AFF4: variants seen among roughly 807,000 people sequenced by gnomAD.
The protein encoded by AFF4 is AF4/FMR2 family member 4.
In AFF4, 13 loss-of-function variants were observed where a neutral mutation model predicts 124.8. That is an observed-to-expected ratio of 0.10 (90% confidence interval 0.07 to 0.17). AFF4 has a LOEUF of 0.17. AFF4 is among the 10% of genes least tolerant of loss of function. The probability of loss-of-function intolerance (pLI) is 1.00; values close to 1 mark genes in which losing one functional copy is unlikely to be tolerated. For synonymous variants in AFF4, 477 were observed against 496.1 expected, an observed-to-expected ratio of 0.96 and a Z score of 0.51; for missense variants, 1,092 against 1,403.8, an observed-to-expected ratio of 0.78 and a Z score of 3.55.
chr5:132,938,921 C>T (rs775645362), intron 1 of AFF4, among the ~76,000 whole-genome samples: 1 of 101,808 alleles, frequency 9.8e-6, no homozygotes, highest in Non-Finnish European at 1.7e-5. Context: ...CCAGCCTGGG[C>T]GACAGAGAGA....
At chr5:132,881,609 G>A (rs186862125) in intron 20 of AFF4, among the ~76,000 whole-genome samples, 4 of 152,302 alleles carry the variant, frequency 2.6e-5, no homozygotes, top group African/African-American at 2.4e-5. Flanking sequence ...GCCTCTGTGA[G>A]GTTAGACACT....
At chr5:132,893,937 T>C (rs555789071) in intron 11 of AFF4, among the ~76,000 whole-genome samples, 43 of 152,330 alleles carry the variant, frequency 2.8e-4, no homozygotes, top group Non-Finnish European at 4.4e-4. Flanking sequence ...TCAATATATG[T>C]GGCCTTTGTG....
In AFF4 at chr5:132,877,985, T is replaced by C. The variant is rs192880053; in HGVS notation, c.*3074A>G. 1 of 224,570 alleles carries C rather than the reference T, an allele frequency of 4.5e-6. No individual in the cohort carries two copies. The highest frequency in any genetic ancestry group is 6.5e-5 in the East Asian group (1 of 15,502). The allele number at this position is 224,570 out of a possible 1,614,324, so 13.9% of individuals were successfully genotyped here. ...CACGCACACTGCTCTCAATTGTTTT[T>C]ACACTAGAGAATTAAATAAATGGTG... On this transcript the variant is annotated 3_prime_UTR_variant, in exon 21 of 21. Transcript: ENST00000265343.
At chr5:132,940,769 G>A (rs910559897) in intron 1 of AFF4, among the ~76,000 whole-genome samples, 2 of 152,124 alleles carry the variant, frequency 1.3e-5, no homozygotes, top group African/African-American at 4.8e-5. Context: ...GCTCACTCCT[G>A]TAATCCCAGC....
At chr5:132,892,987 A>G in intron 12 of AFF4, 43 bp downstream of exon 12, 1 of 1,562,218 alleles carries the variant, frequency 6.4e-7, no homozygotes, top group Non-Finnish European at 8.8e-7. Flanking sequence ...AATGATATAC[A>G]TATATTAACA....
Position 132,920,749 on chromosome 5 carries a change from C to T in AFF4, c.1050+6372G>A, listed in dbSNP as rs760046819. Among the ~76,000 whole-genome samples, 56 of 152,076 alleles carry T rather than the reference C, an allele frequency of 3.7e-4. 1 individual carries two copies. Among genetic ancestry groups the T allele is most frequent in the Non-Finnish European group, 6.0e-4 (41 of 68,022 alleles). On this transcript the variant is annotated intron_variant, in intron 5 of 20. Coordinates refer to ENST00000265343, the MANE Select transcript of AFF4 (RefSeq NM_014423.4). Reference sequence around the variant, plus strand: ...AAGTTAACATGTGTTCTTAGAGGGACACTATTAAGAGAATGAAAAGGTAGT... The same window carrying T: ...AAGTTAACATGTGTTCTTAGAGGGATACTATTAAGAGAATGAAAAGGTAGT...
chr5:132,888,971 C>A (rs1166157569), intron 14 of AFF4, 108 bp downstream of exon 14: 9 of 1,021,704 alleles, frequency 8.8e-6, no homozygotes, highest in Non-Finnish European at 1.2e-5. Context: ...GCTGGGATTA[C>A]AAGCGTGAGC....
intron 13 of AFF4, among the ~76,000 whole-genome samples, chr5:132,891,604 C>A (rs1760259258): frequency 6.6e-6 from 1 of 152,038 alleles, no homozygotes; most frequent in African/African-American, 2.4e-5. Context: ...CTAAAGATTT[C>A]TTTTTCTATT....
chr5:132,904,449 G>GA, intron 5 of AFF4, 45 bp from the exon 6 acceptor site: 3 of 1,515,354 alleles, frequency 2.0e-6, no homozygotes, highest in Non-Finnish European at 2.7e-6. Flanking sequence ...CACTAAAAAA[G>GA]AAAGATTAGT....
At chr5:132,935,029 T>A in intron 2 of AFF4, 88 bp from the exon 3 acceptor site, 11 of 1,085,982 alleles carry the variant, frequency 1.0e-5, no homozygotes, top group Non-Finnish European at 1.4e-5. Context: ...AAACTTCGAA[T>A]GGAAAGGGGC....
rs189289176 is a variant in AFF4, at chr5:132,878,879, C to T, written c.*2180G>A. ...CCCACTGGCTGTTGTTGCTGAAAGT[C>T]TGAAAGCCCAGAGGATACTTTTTCC... is the stretch of plus-strand genomic sequence containing the variant. On this transcript the variant is annotated 3_prime_UTR_variant, in exon 21 of 21. Transcript: ENST00000265343. 119 of 223,312 alleles carry T rather than the reference C, an allele frequency of 5.3e-4. No homozygotes were observed. The highest frequency in any genetic ancestry group is 2.4e-3 in the African/African-American group (110 of 44,908). 13.8% of individuals were successfully genotyped at this position (223,312 alleles called of 1,614,324 possible). A position where few individuals can be genotyped will look rare whatever the true frequency, so the allele number is the denominator to read the frequency against.
intron 5 of AFF4, among the ~76,000 whole-genome samples, chr5:132,913,336 A>C (rs1006184484): frequency 6.6e-6 from 1 of 152,254 alleles, no homozygotes; most frequent in African/African-American, 2.4e-5. Flanking sequence ...AGTTGGAGTT[A>C]ACTCTCAATA....
intron 13 of AFF4, among the ~76,000 whole-genome samples, chr5:132,890,553 A>G (rs1760229025): frequency 2.0e-5 from 3 of 152,224 alleles, no homozygotes; most frequent in South Asian, 4.1e-4. Flanking sequence ...AACTATGTGC[A>G]ATGTTGATTT....
intron 1 of AFF4, among the ~76,000 whole-genome samples, chr5:132,955,206 C>G (rs1016668276): frequency 1.3e-5 from 2 of 152,150 alleles, no homozygotes; most frequent in Admixed American, 1.3e-4. Context: ...CTCTGTTCCT[C>G]TGCTAGTGGA....
chr5:132,952,315 C>T (rs67843388), intron 1 of AFF4, among the ~76,000 whole-genome samples: 17,547 of 152,214 alleles, frequency 0.12, 1,285 homozygotes, highest in South Asian at 0.2. Context: ...TTCCGATTTC[C>T]CACATCATAT....
chr5:132,894,789 C>A (rs923050145), intron 11 of AFF4, among the ~76,000 whole-genome samples: 2 of 151,940 alleles, frequency 1.3e-5, no homozygotes, highest in Admixed American at 6.6e-5. Flanking sequence ...TAGCAAGATA[C>A]CATCTCTATA....
intron 5 of AFF4, among the ~76,000 whole-genome samples, chr5:132,921,062 G>A (rs1482309626): frequency 1.3e-5 from 2 of 151,044 alleles, no homozygotes; most frequent in Admixed American, 6.6e-5. Context: ...GGGAGGCGGA[G>A]CTTGCAGTGA....
chr5:132,962,219 A>T (rs1311221200), intron 1 of AFF4, among the ~76,000 whole-genome samples: 1 of 152,240 alleles, frequency 6.6e-6, no homozygotes, highest in East Asian at 1.9e-4. Context: ...ACAGAAACGA[A>T]GCTTTGCGCT....
rs746518188 is a variant in AFF4, at chr5:132,893,067, T to C, written c.2359A>G (p.Lys787Glu). 3.7e-6 allele frequency: 6 copies of C among 1,614,022 alleles called. No homozygotes were observed. Among genetic ancestry groups the C allele is most frequent in the Non-Finnish European group, 4.2e-6 (5 of 1,179,998 alleles). The change falls in exon 12 of 21, where the codon AAG becomes GAG. Residue 787 changes from lysine to glutamate, a missense_variant. Coordinates refer to ENST00000265343, the MANE Select transcript of AFF4 (RefSeq NM_014423.4). ...GATGGCTTATGGCCTGCTGAATTCT[T>C]GTCCTCCGTTTTGGGTTTCTTGCTC... ...SESKKPKTED[K>E]NSAGHKPSSN...
Sources: allele counts gnomAD v4.1 joint callset (sites outside exome capture counted in the v4.1 genomes callset), GRCh38; gene constraint gnomAD v4.1.1; transcripts MANE v1.5; gene names NCBI Gene and HGNC (gene_info 2026-07-23, HGNC 2026-07-21).